Variants in DYNLT2B observed in about 807,000 individuals in gnomAD.
The protein encoded by DYNLT2B is dynein light chain Tctex-type 2B, also known as dynein light chain Tctex-type protein 2B.
Under a neutral mutation model 19.5 loss-of-function variants are expected in DYNLT2B, and 14 were observed. The observed-to-expected ratio is 0.72, with a 90% CI of 0.47 to 1.12. The LOEUF is 1.12. Ranked by LOEUF, DYNLT2B falls within the 50% of genes most tolerant of loss-of-function variation. The pLI, the probability that DYNLT2B is intolerant of heterozygous loss-of-function variation, is 0.00. For missense variants in DYNLT2B, 133 were observed against 174.7 expected (o/e 0.76, Z 1.35); for synonymous variants, 70 against 59.7 (o/e 1.17, Z -0.79).
chr3:196,316,001 G>A (rs1726780223), intron 2 of DYNLT2B, 97 bp downstream of exon 2: 2 of 1,358,890 alleles, frequency 1.5e-6, no homozygotes, highest in African/African-American at 1.4e-5. Flanking sequence ...CACCACACCT[G>A]GCCCCAATGT....
Sources: allele counts gnomAD v4.1 joint callset, GRCh38; gene constraint gnomAD v4.1.1; transcripts MANE v1.5; gene names NCBI Gene and HGNC (gene_info 2026-07-23, HGNC 2026-07-21).